Variants in RBM15B observed in about 807,000 individuals in gnomAD.
RBM15B encodes putative RNA-binding protein 15B.
Under a neutral mutation model 53.3 loss-of-function variants are expected in RBM15B, and 11 were observed. The observed-to-expected ratio is 0.21, with a 90% CI of 0.13 to 0.34. The LOEUF is 0.34. RBM15B is among the 10% of genes least tolerant of loss of function. The pLI, the probability that RBM15B is intolerant of heterozygous loss-of-function variation, is 1.00. For missense variants in RBM15B, 1,136 were observed against 1,250.3 expected (o/e 0.91, Z 1.38); for synonymous variants, 631 against 540.7 (o/e 1.17, Z -2.32).
Position 51,392,916 on chromosome 3 carries a change from T to C in RBM15B, c.1517T>C (p.Leu506Pro). 6.2e-7 allele frequency: 1 copy of C among 1,613,786 alleles called. No homozygotes were observed. Among genetic ancestry groups the C allele is most frequent in the African/African-American group, 1.3e-5 (1 of 75,020 alleles). Residue 506 changes from leucine (L) to proline (P), a missense_variant, in exon 1 of 1, where the codon CTC (leucine) becomes CCC (proline). Physicochemically the swap from Leu to Pro is moderately conservative, Grantham distance 98. This residue lies in a region of RBM15B where 578 missense variants were observed against 581.6 expected (regional missense o/e 0.99). Coordinates refer to ENST00000563281, the MANE Select transcript of RBM15B (RefSeq NM_013286.5). The surrounding 1 kb of genome is among the most constrained non-coding windows in gnomAD (Gnocchi z 7.5). Reference protein sequence around the residue: ...RYPQQYQPSPLPVHYELLTDG... With the variant: ...RYPQQYQPSPPPVHYELLTDG... ...CCCCAGCAGTACCAGCCCTCGCCAC[T>C]CCCTGTGCATTATGAGCTGCTCACA... is the stretch of plus-strand genomic sequence containing the variant.
chr3:51,395,138 A>G lies in RBM15B; in HGVS notation c.*1066A>G, dbSNP rs1329027012. 1 of 167,280 alleles carries G rather than the reference A, an allele frequency of 6.0e-6. No individual in the cohort carries two copies. Among genetic ancestry groups the G allele is most frequent in the Non-Finnish European group, 1.5e-5 (1 of 68,306 alleles). The allele number at this position is 167,280 out of a possible 1,614,324, so 10.4% of individuals were successfully genotyped here. A position where few individuals can be genotyped will look rare whatever the true frequency, so the allele number is the denominator to read the frequency against. Reference sequence around the variant, plus strand: ...TTGTGGGGGGATACTGAACCTCTAGACTGAAGTACTTACCGGGGAGCACAG... The same window carrying G: ...TTGTGGGGGGATACTGAACCTCTAGGCTGAAGTACTTACCGGGGAGCACAG... On this transcript the variant is annotated 3_prime_UTR_variant, in exon 1 of 1. Coordinates refer to ENST00000563281, the MANE Select transcript of RBM15B (RefSeq NM_013286.5).
chr3:51,395,842 G>A lies in RBM15B; in HGVS notation c.*1770G>A, dbSNP rs1189509582. 4.8e-6 allele frequency: 2 copies of A among 413,492 alleles called. No homozygotes were observed. Among genetic ancestry groups the A allele is most frequent in the Non-Finnish European group, 8.8e-6 (2 of 226,144 alleles). 25.6% of individuals were successfully genotyped at this position (413,492 alleles called of 1,614,324 possible). A position where few individuals can be genotyped will look rare whatever the true frequency, so the allele number is the denominator to read the frequency against. ...AGGTGCCTCGCAAGAGAGCAAGCAC[G>A]TTCATAACAAAACAGCAACACAAAG... On this transcript the variant is annotated 3_prime_UTR_variant, in exon 1 of 1. Transcript: ENST00000563281.
chr3:51,391,345 TCCGCCGCCG>T lies in RBM15B; in HGVS notation c.-50_-42del. 8.5e-7 allele frequency: 1 copy of T among 1,175,232 alleles called. No homozygotes were observed. The highest frequency in any genetic ancestry group is 1.0e-6 in the Non-Finnish European group (1 of 952,736). 72.8% of individuals were successfully genotyped at this position (1,175,232 alleles called of 1,614,324 possible). A position where few individuals can be genotyped will look rare whatever the true frequency, so the allele number is the denominator to read the frequency against. On this transcript the variant is annotated 5_prime_UTR_variant, in exon 1 of 1. Coordinates refer to ENST00000563281, the MANE Select transcript of RBM15B (RefSeq NM_013286.5). The surrounding 1 kb of genome is among the most constrained non-coding windows in gnomAD (Gnocchi z 4.5). ...GGGCGCTGCCTCCTCGGCCGCCGCCTCCGCCGCCGCCGCTGTGAGAAACCTACGGGCCGC... is the reference window on the plus strand; with the variant it reads ...GGGCGCTGCCTCCTCGGCCGCCGCCTCCGCTGTGAGAAACCTACGGGCCGC...
Position 51,391,338 on chromosome 3 carries a change from C to A in RBM15B, c.-62C>A. ...GCGCCGGGGGCGCTGCCTCCTCGGCCGCCGCCTCCGCCGCCGCCGCTGTGA... is the reference window on the plus strand; with the variant it reads ...GCGCCGGGGGCGCTGCCTCCTCGGCAGCCGCCTCCGCCGCCGCCGCTGTGA... On this transcript the variant is annotated 5_prime_UTR_variant, in exon 1 of 1. Coordinates refer to ENST00000563281, the MANE Select transcript of RBM15B (RefSeq NM_013286.5). The surrounding 1 kb of genome is among the most constrained non-coding windows in gnomAD (Gnocchi z 4.5). The A allele has an allele frequency of 2.6e-6, 3 of 1,175,016 alleles. No homozygotes were observed. Among genetic ancestry groups the A allele is most frequent in the Non-Finnish European group, 3.2e-6 (3 of 951,508 alleles). The allele number at this position is 1,175,016 out of a possible 1,614,324, so 72.8% of individuals were successfully genotyped here.
Position 51,392,952 on chromosome 3 carries a change from C to T in RBM15B, c.1553C>T (p.Thr518Ile). 1 of 1,613,792 alleles carries T rather than the reference C, an allele frequency of 6.2e-7. No individual in the cohort carries two copies. The highest frequency in any genetic ancestry group is 8.5e-7 in the Non-Finnish European group (1 of 1,180,024). The change falls in exon 1 of 1, where the codon ACC becomes ATC. Residue 518 changes from threonine (T) to isoleucine (I), a missense_variant. Coordinates refer to ENST00000563281, the MANE Select transcript of RBM15B (RefSeq NM_013286.5). The surrounding 1 kb of genome is among the most constrained non-coding windows in gnomAD (Gnocchi z 7.5). ...VHYELLTDGY[T>I]RHRNLDADLV... The stretch of plus-strand genomic sequence containing the variant: ...TATGAGCTGCTCACAGATGGATACA[C>T]CCGGCACCGCAACCTGGACGCCGAC...
Position 51,391,862 on chromosome 3 carries a change from C to G in RBM15B, c.463C>G (p.Leu155Val). ...GAGCCCCGCGCTGCCCGCCGAGCAC[C>G]TCGAGGACCGGCTCTTCCACCAGTT... Reference protein sequence around the residue: ...SLSPALPAEHLEDRLFHQFKR... With the variant: ...SLSPALPAEHVEDRLFHQFKR... The change falls in exon 1 of 1, where the codon CTC becomes GTC. Residue 155 changes from leucine to valine, a missense_variant. Around this residue, in one of 7 missense-constraint regions of RBM15B, gnomAD observed 257 missense variants for 261.1 expected, o/e 0.98. Transcript: ENST00000563281. This position sits in a 1 kb window ranked among gnomAD's most constrained non-coding sequence, Gnocchi z 4.5. The G allele has an allele frequency of 1.2e-6, 2 of 1,603,850 alleles. No homozygotes were observed. Among genetic ancestry groups the G allele is most frequent in the Non-Finnish European group, 1.7e-6 (2 of 1,179,430 alleles).
In RBM15B at chr3:51,395,622, A is replaced by G. The variant is rs1427490245; in HGVS notation, c.*1550A>G. On this transcript the variant is annotated 3_prime_UTR_variant, in exon 1 of 1. Transcript: ENST00000563281. Reference sequence around the variant, plus strand: ...GTAAGCGAATGAGCCCCTAGATGATAACCAGGAACTCCAGGTTCTGCTGGC... The same window carrying G: ...GTAAGCGAATGAGCCCCTAGATGATGACCAGGAACTCCAGGTTCTGCTGGC... 4.9e-6 allele frequency: 2 copies of G among 409,028 alleles called. No homozygotes were observed. Among genetic ancestry groups the G allele is most frequent in the Non-Finnish European group, 8.9e-6 (2 of 223,954 alleles). The allele number at this position is 409,028 out of a possible 1,614,324, so 25.3% of individuals were successfully genotyped here. A position where few individuals can be genotyped will look rare whatever the true frequency, so the allele number is the denominator to read the frequency against.
chr3:51,396,110 G>A lies in RBM15B; in HGVS notation c.*2038G>A. 2.4e-6 allele frequency: 1 copy of A among 409,178 alleles called. No individual in the cohort carries two copies. 25.3% of individuals were successfully genotyped at this position (409,178 alleles called of 1,614,324 possible). Reference sequence around the variant, plus strand: ...CAGAGCTGCCTTGGTATGTTGTTAAGTCCAAAACTTCTTCTCTGGGCTACC... The same window carrying A: ...CAGAGCTGCCTTGGTATGTTGTTAAATCCAAAACTTCTTCTCTGGGCTACC... On this transcript the variant is annotated 3_prime_UTR_variant, in exon 1 of 1. Transcript: ENST00000563281.
rs1364241182 is a variant in RBM15B at position 51,395,819 on chromosome 3, G to A, written c.*1747G>A. On this transcript the variant is annotated 3_prime_UTR_variant, in exon 1 of 1. Coordinates refer to ENST00000563281, the MANE Select transcript of RBM15B (RefSeq NM_013286.5). ...CCCCTCGGTGATGTGGAATGGACAG[G>A]TGCCTCGCAAGAGAGCAAGCACGTT... 5 of 413,420 alleles carry A rather than the reference G, an allele frequency of 1.2e-5. No homozygotes were observed. 25.6% of individuals were successfully genotyped at this position (413,420 alleles called of 1,614,324 possible).
rs2089267332 is a variant in RBM15B at position 51,397,354 on chromosome 3, C to T, written c.*3282C>T. The T allele has an allele frequency of 6.0e-6, 1 of 167,110 alleles. No individual in the cohort carries two copies. The highest frequency in any genetic ancestry group is 2.1e-4 in the South Asian group (1 of 4,836). The allele number at this position is 167,110 out of a possible 1,614,324, so 10.4% of individuals were successfully genotyped here. On this transcript the variant is annotated 3_prime_UTR_variant, in exon 1 of 1. Coordinates refer to ENST00000563281, the MANE Select transcript of RBM15B (RefSeq NM_013286.5). ...TAGGGGCCTCTGAAGTATCTTTCTA[C>T]AAACGCAGACAAGCTCCACTACCCC...
chr3:51,397,164 A>G lies in RBM15B; in HGVS notation c.*3092A>G, dbSNP rs1553623264. The stretch of plus-strand genomic sequence containing the variant: ...AAGTCACTTTAGCTGGATAATACCT[A>G]TGTAACAAACTGAGCAGCTGTTATT... On this transcript the variant is annotated 3_prime_UTR_variant, in exon 1 of 1. Coordinates refer to ENST00000563281, the MANE Select transcript of RBM15B (RefSeq NM_013286.5). 6.0e-6 allele frequency: 1 copy of G among 167,070 alleles called. No individual in the cohort carries two copies. Among genetic ancestry groups the G allele is most frequent in the African/African-American group, 2.4e-5 (1 of 41,446 alleles). The allele number at this position is 167,070 out of a possible 1,614,324, so 10.3% of individuals were successfully genotyped here.
Position 51,392,189 on chromosome 3 carries a change from C to G in RBM15B, c.790C>G (p.Arg264Gly). The part of the protein sequence containing the change: ...PLHGGYQYKQ[R>G]SLSPVAAPPL... ...ACACGGAGGCTACCAGTACAAGCAG[C>G]GCTCGCTGTCCCCCGTCGCTGCCCC... Residue 264 changes from arginine (R) to glycine (G), a missense_variant, in exon 1 of 1, where the codon CGC (arginine) becomes GGC (glycine). Arg to Gly is a moderately radical substitution (Grantham distance 125). Transcript: ENST00000563281. The surrounding 1 kb of genome is among the most constrained non-coding windows in gnomAD (Gnocchi z 7.5). 4 of 1,540,528 alleles carry G rather than the reference C, an allele frequency of 2.6e-6. No homozygotes were observed. In the South Asian group the frequency reaches 3.5e-5, roughly 14 times the overall value.
Position 51,391,612 on chromosome 3 carries a change from C to G in RBM15B, c.213C>G (p.Arg71=), listed in dbSNP as rs1463178155. ...GCGGGGGCGGGCATCGCGACGGCCG[C>G]GGCACCGGGGACGCGAATCACCGCG... The part of the protein sequence containing the change: ...GSGGGGHRDG[R]GTGDANHRAS... Residue 71 remains arginine, a synonymous_variant, in exon 1 of 1, where the codon CGC becomes CGG. Transcript: ENST00000563281. This position sits in a 1 kb window ranked among gnomAD's most constrained non-coding sequence, Gnocchi z 4.5. 2 of 1,182,198 alleles carry G rather than the reference C, an allele frequency of 1.7e-6. No individual in the cohort carries two copies. The highest frequency in any genetic ancestry group is 2.1e-6 in the Non-Finnish European group (2 of 956,514). The allele number at this position is 1,182,198 out of a possible 1,614,324, so 73.2% of individuals were successfully genotyped here.
chr3:51,393,469 C>G lies in RBM15B; in HGVS notation c.2070C>G (p.Thr690=), dbSNP rs781788531. The G allele has an allele frequency of 3.1e-6, 5 of 1,613,790 alleles. No individual in the cohort carries two copies. Among genetic ancestry groups the G allele is most frequent in the African/African-American group, 2.7e-5 (2 of 74,896 alleles). Residue 690 remains threonine, a synonymous_variant, in exon 1 of 1, where the codon ACC becomes ACG. Transcript: ENST00000563281. This position sits in a 1 kb window ranked among gnomAD's most constrained non-coding sequence, Gnocchi z 5.6. The part of the protein sequence containing the change: ...KARDSERNHR[T]TEAEPKPLEE... ...GAGACAGCGAGCGCAATCACCGGAC[C>G]ACAGAGGCCGAGCCCAAGCCTCTGG... is the stretch of plus-strand genomic sequence containing the variant.
At position 51,397,176 on chromosome 3, in the gene RBM15B, G is replaced by A. The variant is rs1184164216; in HGVS notation, c.*3104G>A. 2 of 167,088 alleles carry A rather than the reference G, an allele frequency of 1.2e-5. No individual in the cohort carries two copies. The highest frequency in any genetic ancestry group is 2.9e-5 in the Non-Finnish European group (2 of 68,122). The allele number at this position is 167,088 out of a possible 1,614,324, so 10.4% of individuals were successfully genotyped here. A position where few individuals can be genotyped will look rare whatever the true frequency, so the allele number is the denominator to read the frequency against. On this transcript the variant is annotated 3_prime_UTR_variant, in exon 1 of 1. Transcript: ENST00000563281. ...CTGGATAATACCTATGTAACAAACT[G>A]AGCAGCTGTTATTTGGGCAAAATCA...
rs1553621549 is a variant in RBM15B at position 51,391,717 on chromosome 3, C to T, written c.318C>T (p.Ser106=). The change falls in exon 1 of 1, where the codon TCC becomes TCT. Residue 106 remains serine, a synonymous_variant. Coordinates refer to ENST00000563281, the MANE Select transcript of RBM15B (RefSeq NM_013286.5). The surrounding 1 kb of genome is among the most constrained non-coding windows in gnomAD (Gnocchi z 4.5). ...GGKASGDPGA[S]GMSPRASPLP... is the part of the protein sequence containing the mutation. The stretch of plus-strand genomic sequence containing the variant: ...AGGCCTCGGGGGACCCGGGCGCCTC[C>T]GGCATGTCGCCCCGCGCGTCTCCTC... 3 of 1,414,524 alleles carry T rather than the reference C, an allele frequency of 2.1e-6. No homozygotes were observed. Among genetic ancestry groups the T allele is most frequent in the Non-Finnish European group, 2.7e-6 (3 of 1,093,018 alleles). 87.6% of individuals were successfully genotyped at this position (1,414,524 alleles called of 1,614,324 possible).
Position 51,396,014 on chromosome 3 carries a change from G to GGTCTT in RBM15B, c.*1946_*1950dup, listed in dbSNP as rs1227836949. ...GCTGGTACCGCCAGAAACAGGAGTG[G>GGTCTT]GTCTTGTCCTGTTGCAGGCACACTG... On this transcript the variant is annotated 3_prime_UTR_variant, in exon 1 of 1. Transcript: ENST00000563281. The GGTCTT allele has an allele frequency of 1.1e-4, 45 of 412,684 alleles. No individual in the cohort carries two copies. The highest frequency in any genetic ancestry group is 6.2e-4 in the Middle Eastern group (1 of 1,610). The allele number at this position is 412,684 out of a possible 1,614,324, so 25.6% of individuals were successfully genotyped here.
At position 51,393,973 on chromosome 3, in the gene RBM15B, C is replaced by T. The variant is rs1553622122; in HGVS notation, c.2574C>T (p.Pro858=). Residue 858 remains proline, a synonymous_variant, in exon 1 of 1, where the codon CCC becomes CCT. Transcript: ENST00000563281. The surrounding 1 kb of genome is among the most constrained non-coding windows in gnomAD (Gnocchi z 5.6). ...CAGGCATGCTCTACGCCTTCCCACCCTGCGACTTTTCCCAGCAGTACCTCC... is the reference window on the plus strand; with the variant it reads ...CAGGCATGCTCTACGCCTTCCCACCTTGCGACTTTTCCCAGCAGTACCTCC... ...DGTGMLYAFP[P]CDFSQQYLQS... 2 of 1,513,992 alleles carry T rather than the reference C, an allele frequency of 1.3e-6. No individual in the cohort carries two copies. Among genetic ancestry groups the T allele is most frequent in the African/African-American group, 2.8e-5 (2 of 71,648 alleles). The allele number at this position is 1,513,992 out of a possible 1,614,324, so 93.8% of individuals were successfully genotyped here. A position where few individuals can be genotyped will look rare whatever the true frequency, so the allele number is the denominator to read the frequency against.
chr3:51,393,015 C>T lies in RBM15B; in HGVS notation c.1616C>T (p.Ser539Leu). 1 of 1,613,854 alleles carries T rather than the reference C, an allele frequency of 6.2e-7. No individual in the cohort carries two copies. The highest frequency in any genetic ancestry group is 8.5e-7 in the Non-Finnish European group (1 of 1,180,004). The change falls in exon 1 of 1, where the codon TCA (serine) becomes TTA (leucine). Residue 539 changes from serine (S) to leucine (L), a missense_variant. Transcript: ENST00000563281. The surrounding 1 kb of genome is among the most constrained non-coding windows in gnomAD (Gnocchi z 5.6). ...AGGACGCCCCCACACCTTCTGTACT[C>T]AGACCGAGACCGGACTTTTTTGGAA... ...RDRTPPHLLY[S>L]DRDRTFLEGD...
Sources: gnomAD v4.1 joint callset for allele counts on GRCh38, gnomAD v4.1.1 for gene constraint, gnomAD v4.1.1 regional missense constraint, Gnocchi (gnomAD v3.1) non-coding constraint, MANE v1.5 for transcripts, NCBI Gene and HGNC (gene_info 2026-07-23, HGNC 2026-07-21) for gene names.